ROBO2: variants seen among roughly 807,000 people sequenced by gnomAD.
ROBO2 encodes roundabout homolog 2.
ROBO2 carries 53 observed loss-of-function variants against 160.8 expected under a neutral mutation model. The ratio of observed to expected loss-of-function variants is 0.33; its 90% CI spans 0.26 to 0.41. The LOEUF (loss-of-function observed/expected upper bound fraction) is 0.41. Ranked by LOEUF, ROBO2 falls within the 10% of genes least tolerant of loss-of-function variation. The probability of loss-of-function intolerance (pLI) is 1.00; values close to 1 mark genes in which losing one functional copy is unlikely to be tolerated. For missense variants in ROBO2, 1,577 were observed against 1,722.4 expected, an observed-to-expected ratio of 0.92 and a Z score of 1.49; for synonymous variants, 664 against 611.7, an observed-to-expected ratio of 1.09 and a Z score of -1.26.
At chr3:77,027,329 G>A (rs914137385) in intron 2 of ROBO2, among the ~76,000 whole-genome samples, 1 of 152,112 alleles carries the variant, frequency 6.6e-6, no homozygotes, top group African/African-American at 2.4e-5. Context: ...ATGCAGTTAG[G>A]CCTCTATTCT....
At chr3:77,641,027 C>T (rs1231358960) in intron 24 of ROBO2, among the ~76,000 whole-genome samples, 1 of 152,118 alleles carries the variant, frequency 6.6e-6, no homozygotes, top group African/African-American at 2.4e-5. Flanking sequence ...AATAATTTCT[C>T]CTCACTGGCA....
At chr3:76,155,672 G>A (rs574553802) in intron 2 of ROBO2, among the ~76,000 whole-genome samples, 47 of 152,280 alleles carry the variant, frequency 3.1e-4, no homozygotes, top group Non-Finnish European at 5.6e-4. Context: ...GCAGGTGCAA[G>A]TTTGCACGTC....
At chr3:75,944,176 G>A (rs1319179148) in intron 2 of ROBO2, among the ~76,000 whole-genome samples, 1 of 152,048 alleles carries the variant, frequency 6.6e-6, no homozygotes, top group Non-Finnish European at 1.5e-5. Context: ...TTTATCCTGT[G>A]ATCAGTCTCA....
chr3:75,968,237 T>C (rs551761538), intron 2 of ROBO2, among the ~76,000 whole-genome samples: 17 of 151,604 alleles, frequency 1.1e-4, no homozygotes, highest in African/African-American at 4.1e-4. Context: ...GTCAACACTA[T>C]GGATATTATG....
At chr3:77,359,278 T>A (rs1240531054) in intron 2 of ROBO2, among the ~76,000 whole-genome samples, 1 of 152,156 alleles carries the variant, frequency 6.6e-6, no homozygotes, top group East Asian at 1.9e-4. Flanking sequence ...AAAATGCATC[T>A]CTGTGTGGGC....
chr3:76,254,480 G>A (rs556292478), intron 2 of ROBO2, among the ~76,000 whole-genome samples: 47 of 152,176 alleles, frequency 3.1e-4, no homozygotes, highest in African/African-American at 1.1e-3. Context: ...CAGAGACTTA[G>A]GGAACTGCTT....
chr3:77,557,627 A>C (rs1049413797), intron 8 of ROBO2, among the ~76,000 whole-genome samples: 10 of 152,114 alleles, frequency 6.6e-5, no homozygotes, highest in African/African-American at 2.4e-4. Flanking sequence ...TTTTAATACG[A>C]CTAAGCCTTT....
chr3:75,962,269 G>A (rs1438747744), intron 2 of ROBO2, among the ~76,000 whole-genome samples: 1 of 151,736 alleles, frequency 6.6e-6, no homozygotes, highest in Non-Finnish European at 1.5e-5. Flanking sequence ...CAATGGGATA[G>A]CACATCCAAA....
At chr3:76,095,510 T>A (rs1003908700) in intron 2 of ROBO2, among the ~76,000 whole-genome samples, 2 of 152,014 alleles carry the variant, frequency 1.3e-5, no homozygotes, top group Non-Finnish European at 2.9e-5. Context: ...TAACATTATA[T>A]CAATTGATAT....
intron 2 of ROBO2, among the ~76,000 whole-genome samples, chr3:76,844,677 A>C (rs1166955): frequency 0.24 from 37,101 of 151,620 alleles, 4,822 homozygotes; most frequent in East Asian, 0.33. Context: ...TAAAAGTTGT[A>C]GTGTCCAGGA....
At chr3:77,597,323 A>T (rs547984081) in intron 19 of ROBO2, among the ~76,000 whole-genome samples, 2 of 152,208 alleles carry the variant, frequency 1.3e-5, no homozygotes, top group African/African-American at 4.8e-5. Flanking sequence ...AAATAAATAA[A>T]TAAAAAAGAC....
chr3:76,326,045 G>A (rs2072988383), intron 2 of ROBO2, among the ~76,000 whole-genome samples: 1 of 152,068 alleles, frequency 6.6e-6, no homozygotes, highest in Non-Finnish European at 1.5e-5. Context: ...TGAAAATCAT[G>A]AATATGTTAT....
At chr3:76,167,581 C>T (rs2072883710) in intron 2 of ROBO2, among the ~76,000 whole-genome samples, 1 of 152,122 alleles carries the variant, frequency 6.6e-6, no homozygotes, top group Admixed American at 6.5e-5. Context: ...TTTGAAAACT[C>T]CTAAAAAATA....
intron 2 of ROBO2, among the ~76,000 whole-genome samples, chr3:76,472,758 A>G (rs554302066): frequency 6.6e-6 from 1 of 152,196 alleles, no homozygotes; most frequent in Non-Finnish European, 1.5e-5. Context: ...CTTGAAAGGC[A>G]TCAGATTAAG....
intron 5 of ROBO2, among the ~76,000 whole-genome samples, chr3:77,519,817 A>G (rs2090406107): frequency 6.6e-6 from 1 of 151,340 alleles, no homozygotes; most frequent in African/African-American, 2.4e-5. Context: ...TGCTGGGTCA[A>G]ATGGTAGTTC....
chr3:77,602,590 G>T, intron 20 of ROBO2, 99 bp downstream of exon 21: 2 of 1,395,452 alleles, frequency 1.4e-6, no homozygotes, highest in Non-Finnish European at 2.0e-6. Flanking sequence ...TCATTACCAG[G>T]TTTACTACCT....
chr3:76,769,433 T>C (rs1009683661), intron 2 of ROBO2, among the ~76,000 whole-genome samples: 1 of 151,350 alleles, frequency 6.6e-6, no homozygotes, highest in South Asian at 2.1e-4. Flanking sequence ...TAACTTATCT[T>C]GGTCGGCTGT....
In ROBO2 at chr3:76,689,870, C is replaced by A. The variant is rs372477880; in HGVS notation, c.110-408144C>A. The stretch of plus-strand genomic sequence containing the variant: ...ACCAAATTCTTTGTCCAATTTCTGA[C>A]CTTTCTTTACTCTTTGCTTACGTTT... On this transcript the variant is annotated intron_variant, in intron 2 of 26. Coordinates refer to the ROBO2 transcript ENST00000487694. 3.3e-5 allele frequency among the ~76,000 whole-genome samples: 5 copies of A among 152,246 alleles called. No individual in the cohort carries two copies. The South Asian group carries it at 8.3e-4, about 25-fold the overall frequency.
chr3:76,066,466 C>T (rs997322460), intron 2 of ROBO2, among the ~76,000 whole-genome samples: 3 of 151,846 alleles, frequency 2.0e-5, no homozygotes, highest in African/African-American at 7.3e-5. Flanking sequence ...TTATAATGAA[C>T]CATTTTCTTA....
Sources: gnomAD v4.1 joint callset for allele counts (sites outside exome capture counted in the v4.1 genomes callset) on GRCh38, gnomAD v4.1.1 for gene constraint, MANE v1.5 for transcripts, NCBI Gene and HGNC (gene_info 2026-07-23, HGNC 2026-07-21) for gene names.